CNTNAP2: variants seen among roughly 807,000 people sequenced by gnomAD.
CNTNAP2 encodes contactin-associated protein-like 2.
CNTNAP2 carries 98 observed loss-of-function variants against 155.2 expected under a neutral mutation model. The ratio of observed to expected loss-of-function variants is 0.63; its 90% CI spans 0.54 to 0.75. CNTNAP2 has a LOEUF of 0.75. CNTNAP2 is among the 30% of genes least tolerant of loss of function. The pLI, the probability that CNTNAP2 is intolerant of heterozygous loss-of-function variation, is 0.00. For synonymous variants in CNTNAP2, 651 were observed against 631.2 expected, an observed-to-expected ratio of 1.03 and a Z score of -0.47; for missense variants, 1,727 against 1,688.1, an observed-to-expected ratio of 1.02 and a Z score of -0.40.
At chr7:147,984,315 C>T (rs370239124) in intron 15 of CNTNAP2, among the ~76,000 whole-genome samples, 13 of 152,306 alleles carry the variant, frequency 8.5e-5, no homozygotes, top group East Asian at 1.9e-4. Context: ...CTTCTAACCA[C>T]CTGGGAATGA....
chr7:146,577,272 G>A (rs1798539913), intron 1 of CNTNAP2, among the ~76,000 whole-genome samples: 1 of 152,090 alleles, frequency 6.6e-6, no homozygotes, highest in African/African-American at 2.4e-5. Flanking sequence ...TTTATTGGCA[G>A]TTAAGTTTTT....
intron 1 of CNTNAP2, among the ~76,000 whole-genome samples, chr7:146,143,321 A>G (rs1273248674): frequency 5.9e-5 from 9 of 152,216 alleles, no homozygotes; most frequent in Non-Finnish European, 8.8e-5. Flanking sequence ...AAGTGAGCAA[A>G]CAGAAATAAT....
At chr7:148,232,670 A>C (rs1426377551) in intron 20 of CNTNAP2, among the ~76,000 whole-genome samples, 1 of 152,232 alleles carries the variant, frequency 6.6e-6, no homozygotes, top group Non-Finnish European at 1.5e-5. Flanking sequence ...AAATAAGGCT[A>C]ATGCAAAGAT....
At chr7:146,553,477 A>G (rs1282795498) in intron 1 of CNTNAP2, among the ~76,000 whole-genome samples, 2 of 152,018 alleles carry the variant, frequency 1.3e-5, no homozygotes, top group Non-Finnish European at 2.9e-5. Flanking sequence ...AATAAAATAG[A>G]TAAGTGTTTT....
chr7:146,930,610 T>G (rs776512728), intron 3 of CNTNAP2, among the ~76,000 whole-genome samples: 48 of 152,312 alleles, frequency 3.2e-4, no homozygotes, highest in Admixed American at 5.2e-4. Context: ...GTAAATGGAC[T>G]AAATTCTCCA....
intron 1 of CNTNAP2, among the ~76,000 whole-genome samples, chr7:146,629,139 A>T (rs760959387): frequency 4.6e-5 from 7 of 152,180 alleles, no homozygotes; most frequent in Admixed American, 1.3e-4. Flanking sequence ...AAAAAATAAC[A>T]TGCTGAATGT....
intron 1 of CNTNAP2, among the ~76,000 whole-genome samples, chr7:146,123,461 TG>T (rs1391671907): frequency 6.6e-6 from 1 of 152,152 alleles, no homozygotes; most frequent in African/African-American, 2.4e-5. Context: ...AATAGAGGTG[TG>T]ACTGGCATAC....
chr7:146,355,260 C>A (rs139374793), intron 1 of CNTNAP2, among the ~76,000 whole-genome samples: 1 of 152,078 alleles, frequency 6.6e-6, no homozygotes, highest in African/African-American at 2.4e-5. Context: ...TAAGCCATAG[C>A]CAGTACATAA....
intron 1 of CNTNAP2, among the ~76,000 whole-genome samples, chr7:146,599,172 T>A (rs1798908409): frequency 2.6e-5 from 4 of 152,246 alleles, no homozygotes; most frequent in South Asian, 2.1e-4. Context: ...TTCTCTTACC[T>A]AAATTATTGC....
intron 14 of CNTNAP2, among the ~76,000 whole-genome samples, chr7:147,939,346 AT>A (rs1294385804): frequency 6.6e-6 from 1 of 150,922 alleles, no homozygotes; most frequent in Non-Finnish European, 1.5e-5. Flanking sequence ...TTTTAATTTT[AT>A]TTTTTTTGAG....
intron 1 of CNTNAP2, among the ~76,000 whole-genome samples, chr7:146,764,088 G>A (rs1476046658): frequency 1.3e-5 from 2 of 152,134 alleles, no homozygotes; most frequent in Non-Finnish European, 2.9e-5. Context: ...AAACCAGAGG[G>A]TCAAAAATTG....
chr7:146,289,658 C>A (rs1023877304), intron 1 of CNTNAP2, among the ~76,000 whole-genome samples: 3 of 152,092 alleles, frequency 2.0e-5, no homozygotes, highest in Admixed American at 6.6e-5. Flanking sequence ...CAGCAAACGA[C>A]CATTTATATT....
chr7:146,687,921 G>C (rs1800630676), intron 1 of CNTNAP2, among the ~76,000 whole-genome samples: 1 of 152,140 alleles, frequency 6.6e-6, no homozygotes, highest in Non-Finnish European at 1.5e-5. Context: ...GTGAGTTCAA[G>C]TGGTTTTACA....
rs566880619 is a variant in CNTNAP2 at position 148,251,012 on chromosome 7, C to T, written c.3382-16021C>T. ...ACAGGTGTGCACCACCATGCTCAGC[C>T]CATATTTATTTTTTAACCCTTGTTC... On this transcript the variant is annotated intron_variant, in intron 20 of 23. Transcript: ENST00000361727. 2.0e-5 allele frequency among the ~76,000 whole-genome samples: 3 copies of T among 152,162 alleles called. No individual in the cohort carries two copies. The East Asian group carries it at 5.8e-4, about 29-fold the overall frequency.
chr7:146,901,581 A>C (rs915439550), intron 3 of CNTNAP2, among the ~76,000 whole-genome samples: 1 of 152,148 alleles, frequency 6.6e-6, no homozygotes, highest in African/African-American at 2.4e-5. Flanking sequence ...ACTTTCTAAA[A>C]TTTCATCTCT....
At chr7:147,576,723 T>C (rs1034868704) in intron 12 of CNTNAP2, among the ~76,000 whole-genome samples, 2 of 152,122 alleles carry the variant, frequency 1.3e-5, no homozygotes, top group African/African-American at 4.8e-5. Context: ...CAGTGAAAAG[T>C]CAACTTCCAT....
chr7:147,485,935 A>T lies in CNTNAP2; in HGVS notation c.1671A>T (p.Arg557Ser). 2 of 1,613,984 alleles carry T rather than the reference A, an allele frequency of 1.2e-6. No individual in the cohort carries two copies. Among genetic ancestry groups the T allele is most frequent in the African/African-American group, 1.3e-5 (1 of 75,024 alleles). ...VSIDMCAIID[R>S]CVPNHCEHGG... ...TTCTGTTTGTCTCTCTCTCTGACAG[A>T]TGTGTGCCCAATCACTGTGAGCATG... The change falls in exon 11 of 24, where the codon AGA (arginine) becomes AGT (serine). Residue 557 changes from arginine (R) to serine (S), a missense_variant and splice_region_variant. Coordinates refer to ENST00000361727, the MANE Select transcript of CNTNAP2 (RefSeq NM_014141.6).
At chr7:146,347,833 T>G (rs1179828091) in intron 1 of CNTNAP2, among the ~76,000 whole-genome samples, 1 of 152,218 alleles carries the variant, frequency 6.6e-6, no homozygotes, top group Non-Finnish European at 1.5e-5. Flanking sequence ...CCCATAGTGT[T>G]GGGATTACAG....
intron 3 of CNTNAP2, among the ~76,000 whole-genome samples, chr7:146,846,486 G>A (rs1301210694): frequency 3.3e-5 from 5 of 152,048 alleles, no homozygotes; most frequent in African/African-American, 1.2e-4. Flanking sequence ...ACTCCTCTTA[G>A]GCTGGATAAT....
Sources: gnomAD v4.1 joint callset for allele counts (sites outside exome capture counted in the v4.1 genomes callset) on GRCh38, gnomAD v4.1.1 for gene constraint, MANE v1.5 for transcripts, NCBI Gene and HGNC (gene_info 2026-07-23, HGNC 2026-07-21) for gene names.